The following ZDHHC6 variants were observed in gnomAD, a reference collection of about 807,000 sequenced individuals.
ZDHHC6 encodes palmitoyltransferase ZDHHC6.
A neutral mutation model predicts 57.8 loss-of-function variants in ZDHHC6; 32 were observed. The ratio of observed to expected loss-of-function variants is 0.55; its 90% CI spans 0.42 to 0.74. The LOEUF is 0.74. ZDHHC6 is among the 30% of genes least tolerant of loss of function. The pLI, the probability that ZDHHC6 is intolerant of heterozygous loss-of-function variation, is 0.00. For synonymous variants in ZDHHC6, 128 were observed against 158.0 expected (o/e 0.81, Z 1.42); for missense variants, 433 against 500.7 (o/e 0.86, Z 1.29).
Position 112,445,429 on chromosome 10 carries a change from G to A in ZDHHC6, c.8C>T (p.Thr3Ile). The A allele has an allele frequency of 6.2e-7, 1 of 1,612,644 alleles. No individual in the cohort carries two copies. The highest frequency in any genetic ancestry group is 8.5e-7 in the Non-Finnish European group (1 of 1,178,874). Residue 3 changes from threonine to isoleucine, a missense_variant, in exon 2 of 11, where the codon ACA becomes ATA. Coordinates refer to ENST00000369405, the MANE Select transcript of ZDHHC6 (RefSeq NM_022494.3). MG[T>I]FCSVIKFENL... is the part of the protein sequence containing the mutation. ...TTCAAACTTGATAACCGAACAGAAT[G>A]TACCCATTTTGGCAAGGAAGAATGC...
chr10:112,435,417 A>C (rs1845432662), intron 6 of ZDHHC6, among the ~76,000 whole-genome samples: 1 of 152,194 alleles, frequency 6.6e-6, no homozygotes, highest in Non-Finnish European at 1.5e-5. Context: ...CAGCATACTC[A>C]ATCTCATCTG....
chr10:112,435,521 A>G (rs1589728960), intron 6 of ZDHHC6, among the ~76,000 whole-genome samples: 2 of 152,188 alleles, frequency 1.3e-5, no homozygotes, highest in East Asian at 3.8e-4. Context: ...CAATATATTT[A>G]TTATGCTTAT....
intron 2 of ZDHHC6, among the ~76,000 whole-genome samples, chr10:112,443,952 T>A (rs947665166): frequency 6.6e-6 from 1 of 152,104 alleles, no homozygotes; most frequent in African/African-American, 2.4e-5. Context: ...TAATCGTGAG[T>A]TGATAGTCCT....
downstream of ZDHHC6, among the ~76,000 whole-genome samples, chr10:112,429,789 A>C (rs1589712213): frequency 2.0e-5 from 3 of 152,312 alleles, no homozygotes; most frequent in Middle Eastern, 0.01. Flanking sequence ...TTGCTTCCCC[A>C]GCTGGAATCC....
intron 7 of ZDHHC6, among the ~76,000 whole-genome samples, chr10:112,433,890 T>C (rs561803793): frequency 1.6e-4 from 25 of 152,082 alleles, no homozygotes; most frequent in Non-Finnish European, 3.7e-4. Flanking sequence ...GATGAGTCTA[T>C]GGGGGTAGGT....
At chr10:112,431,230 C>T (rs1844998802) in intron 10 of ZDHHC6, among the ~76,000 whole-genome samples, 1 of 152,116 alleles carries the variant, frequency 6.6e-6, no homozygotes, top group Non-Finnish European at 1.5e-5. Context: ...GTTTTTGGCA[C>T]ACCATCACAC....
downstream of ZDHHC6, chr10:112,427,181 A>T (rs1483683803): frequency 1.9e-6 from 3 of 1,581,838 alleles, no homozygotes; most frequent in Admixed American, 5.5e-5. Flanking sequence ...AGTCCAAATC[A>T]CTAATGAGCA....
chr10:112,434,239 G>T, intron 7 of ZDHHC6, 58 bp downstream of exon 7: 1 of 1,456,404 alleles, frequency 6.9e-7, no homozygotes, highest in Non-Finnish European at 9.2e-7. Context: ...AGTTGAGGGG[G>T]AGTTAAGGGA....
At chr10:112,435,723 A>G (rs923115594) in intron 6 of ZDHHC6, among the ~76,000 whole-genome samples, 1 of 152,216 alleles carries the variant, frequency 6.6e-6, no homozygotes, top group Non-Finnish European at 1.5e-5. Flanking sequence ...TTTCTTTTTT[A>G]TAAACACAGC....
At chr10:112,440,452 T>C (rs751734910) in intron 5 of ZDHHC6, 82 bp downstream of exon 5, 1 of 1,437,188 alleles carries the variant, frequency 7.0e-7, no homozygotes, top group Non-Finnish European at 9.4e-7. Context: ...TACTGGACAC[T>C]TAAATACAGG....
At chr10:112,437,441 T>C (rs930635842) in intron 6 of ZDHHC6, among the ~76,000 whole-genome samples, 1 of 152,142 alleles carries the variant, frequency 6.6e-6, no homozygotes, top group African/African-American at 2.4e-5. Context: ...AAATATCACT[T>C]GTCAAGTTTT....
chr10:112,425,505 C>A, downstream of ZDHHC6: 1 of 1,563,238 alleles, frequency 6.4e-7, no homozygotes, highest in Admixed American at 1.8e-5. Context: ...TTAACAATAG[C>A]CCATTTCAGT....
At chr10:112,432,320 A>G in intron 9 of ZDHHC6, 34 bp from the exon 10 acceptor site, 1 of 1,606,566 alleles carries the variant, frequency 6.2e-7, no homozygotes, top group Non-Finnish European at 8.5e-7. Flanking sequence ...TTAATTTTTT[A>G]GGCTAGATAT....
chr10:112,444,664 T>C lies in ZDHHC6; in HGVS notation c.267+506A>G, dbSNP rs72821870. Reference sequence around the variant, plus strand: ...AGGTGTGGTCCCTTAGCAGGAAACATGGACATTCATAAGCATAAATTTCCC... The same window carrying C: ...AGGTGTGGTCCCTTAGCAGGAAACACGGACATTCATAAGCATAAATTTCCC... On this transcript the variant is annotated intron_variant, in intron 2 of 10. Coordinates refer to ENST00000369405, the MANE Select transcript of ZDHHC6 (RefSeq NM_022494.3). Among the ~76,000 whole-genome samples the C allele has an allele frequency of 5.6e-3, 847 of 152,348 alleles. 7 individuals are homozygous for C. The highest frequency in any genetic ancestry group is 7.5e-3 in the Non-Finnish European group (511 of 68,034).
At chr10:112,435,514 T>C (rs1331437196) in intron 6 of ZDHHC6, among the ~76,000 whole-genome samples, 1 of 152,208 alleles carries the variant, frequency 6.6e-6, no homozygotes, top group African/African-American at 2.4e-5. Context: ...CTAATGTCAA[T>C]ATATTTATTA....
At chr10:112,426,707 C>A, downstream of ZDHHC6, 2 of 1,237,170 alleles carry the variant, frequency 1.6e-6, no homozygotes, top group Non-Finnish European at 2.4e-6. Context: ...ATGGCTTTGA[C>A]AGGCACTTTG....
At chr10:112,436,365 A>T (rs573094654) in intron 6 of ZDHHC6, among the ~76,000 whole-genome samples, 69 of 152,224 alleles carry the variant, frequency 4.5e-4, no homozygotes, top group Non-Finnish European at 8.2e-4. Context: ...AATCCCAGCT[A>T]CTTGGGAGGC....
rs181312378 is a variant in ZDHHC6, at chr10:112,439,354, C to T, written c.682-965G>A. ...TAAGTCATAAGAATGGTTTTTGGGC[C>T]GGGCACAGTGGCTCACACCTGTAAT... On this transcript the variant is annotated intron_variant, in intron 5 of 10. Coordinates refer to ENST00000369405, the MANE Select transcript of ZDHHC6 (RefSeq NM_022494.3). Among the ~76,000 whole-genome samples, 41 of 152,010 alleles carry T rather than the reference C, an allele frequency of 2.7e-4. No individual in the cohort carries two copies. In the East Asian group the frequency reaches 3.1e-3, roughly 11 times the overall value.
intron 4 of ZDHHC6, 89 bp from the exon 5 acceptor site, chr10:112,440,784 A>G: frequency 7.5e-7 from 1 of 1,333,484 alleles, no homozygotes. Context: ...ACTTGATCAA[A>G]GAGATAACAA....
Sources: gnomAD v4.1 joint callset for allele counts (sites outside exome capture counted in the v4.1 genomes callset) on GRCh38, gnomAD v4.1.1 for gene constraint, MANE v1.5 for transcripts, NCBI Gene and HGNC (gene_info 2026-07-23, HGNC 2026-07-21) for gene names.